ITGBL1: variants seen among roughly 807,000 people sequenced by gnomAD.
The protein encoded by ITGBL1 is integrin beta-like protein 1.
In ITGBL1, 51 loss-of-function variants were observed where a neutral mutation model predicts 68.5. That is an observed-to-expected ratio of 0.74 (90% CI 0.59 to 0.94). ITGBL1 has a LOEUF of 0.94. Ranked by LOEUF, ITGBL1 falls within the 40% of genes least tolerant of loss-of-function variation. The probability of loss-of-function intolerance (pLI) is 0.00; values close to 1 mark genes in which losing one functional copy is unlikely to be tolerated. For synonymous variants in ITGBL1, 209 were observed against 227.3 expected (o/e 0.92, Z 0.72); for missense variants, 649 against 647.4 (o/e 1.00, Z -0.03).
intron 7 of ITGBL1, among the ~76,000 whole-genome samples, chr13:101,684,581 C>A (rs2033713557): frequency 6.6e-6 from 1 of 151,898 alleles, no homozygotes; most frequent in South Asian, 2.1e-4. Flanking sequence ...AACTAATATA[C>A]TCTCTTAATA....
At chr13:101,544,362 A>G (rs1318633417) in intron 2 of ITGBL1, among the ~76,000 whole-genome samples, 1 of 151,694 alleles carries the variant, frequency 6.6e-6, no homozygotes, top group African/African-American at 2.4e-5. Flanking sequence ...CAGCTGCAGA[A>G]CCGCGGATAT....
rs554304246 is a variant in ITGBL1, at chr13:101,562,505, G to A, written c.317-5194G>A. 1.1e-4 allele frequency among the ~76,000 whole-genome samples: 17 copies of A among 152,030 alleles called. No homozygotes were observed. The South Asian group carries it at 2.5e-3, about 22-fold the overall frequency. On this transcript the variant is annotated intron_variant, in intron 2 of 10. Transcript: ENST00000376180. Reference sequence around the variant, plus strand: ...GGAAAGGTATTCTATGCAAACACCCGTCAAATGAATACTGGATCAACTATA... The same window carrying A: ...GGAAAGGTATTCTATGCAAACACCCATCAAATGAATACTGGATCAACTATA...
downstream of ITGBL1, chr13:101,720,516 T>TG (rs1425667871): frequency 6.8e-6 from 1 of 146,356 alleles, no homozygotes; most frequent in African/African-American, 2.5e-5. Context: ...AACAAATAGA[T>TG]GGGGGTGTTT....
Position 101,456,380 on chromosome 13 carries a change from C to T in ITGBL1, c.316+2280C>T, listed in dbSNP as rs9557655. Among the ~76,000 whole-genome samples, 168 of 152,264 alleles carry T rather than the reference C, an allele frequency of 1.1e-3. 4 individuals carry two copies. The East Asian group carries it at 0.028, about 25-fold the overall frequency. On this transcript the variant is annotated intron_variant, in intron 2 of 10. Transcript: ENST00000376180. The stretch of plus-strand genomic sequence containing the variant: ...ACCTAGGGCTGCCTTGCGAGCCCGT[C>T]GATGTATTCCATGCTTCAAATTTAG...
intron 7 of ITGBL1, among the ~76,000 whole-genome samples, chr13:101,606,172 T>TATATATATATATATATA (rs1566754927): frequency 1.0e-4 from 6 of 60,138 alleles, no homozygotes; most frequent in African/African-American, 5.2e-4. Flanking sequence ...CTATTAGGAT[T>TATATATATATATATATA]TTTATATATA....
intron 2 of ITGBL1, among the ~76,000 whole-genome samples, chr13:101,482,314 A>T (rs1477108660): frequency 7.1e-6 from 1 of 141,086 alleles, no homozygotes; most frequent in Admixed American, 7.6e-5. Context: ...AAAGAAAAAC[A>T]CTGGTTGTGA....
At chr13:101,481,085 C>CACACACAT (rs71121196) in intron 2 of ITGBL1, among the ~76,000 whole-genome samples, 44 of 149,006 alleles carry the variant, frequency 3.0e-4, no homozygotes, top group Non-Finnish European at 3.9e-4. Context: ...TATATACACA[C>CACACACAT]ATATATATAC....
intron 7 of ITGBL1, among the ~76,000 whole-genome samples, chr13:101,682,693 T>A (rs1369355292): frequency 1.6e-4 from 25 of 152,096 alleles, no homozygotes; most frequent in Admixed American, 1.6e-3. Flanking sequence ...TTTTAACTTA[T>A]ACACATAGTA....
intron 7 of ITGBL1, among the ~76,000 whole-genome samples, chr13:101,654,314 T>G (rs2032852628): frequency 6.6e-6 from 1 of 152,154 alleles, no homozygotes; most frequent in African/African-American, 2.4e-5. Context: ...GACATACTTT[T>G]CTTTCCTTTG....
chr13:101,486,840 T>A (rs956373855), intron 2 of ITGBL1, among the ~76,000 whole-genome samples: 2 of 152,188 alleles, frequency 1.3e-5, no homozygotes, highest in African/African-American at 4.8e-5. Flanking sequence ...TAAGCACACA[T>A]CCAGTAGTCT....
chr13:101,658,211 GA>G (rs1251351422), intron 7 of ITGBL1, among the ~76,000 whole-genome samples: 1 of 152,126 alleles, frequency 6.6e-6, no homozygotes, highest in Non-Finnish European at 1.5e-5. Context: ...TTTAAGTCAT[GA>G]AAAAGGCTAC....
intron 6 of ITGBL1, among the ~76,000 whole-genome samples, chr13:101,594,510 C>T (rs2050710200): frequency 6.6e-6 from 1 of 150,804 alleles, no homozygotes; most frequent in Non-Finnish European, 1.5e-5. Flanking sequence ...AGCTCCATGC[C>T]ATTGGTCTTA....
chr13:101,608,146 C>T (rs1331239143), intron 7 of ITGBL1, among the ~76,000 whole-genome samples: 2 of 151,944 alleles, frequency 1.3e-5, no homozygotes, highest in African/African-American at 4.8e-5. Flanking sequence ...AAATAGAAAC[C>T]ATGTCCTCAT....
intron 7 of ITGBL1, among the ~76,000 whole-genome samples, chr13:101,671,431 T>TTTTTG (rs1405721261): frequency 4.3e-5 from 3 of 69,738 alleles, no homozygotes; most frequent in South Asian, 6.6e-4. Context: ...CCTTTGTTTT[T>TTTTTG]TTTTTGTTTT....
intron 2 of ITGBL1, among the ~76,000 whole-genome samples, chr13:101,457,889 T>C (rs574463224): frequency 2.5e-4 from 38 of 152,342 alleles, no homozygotes; most frequent in African/African-American, 9.1e-4. Context: ...TTGATATTTC[T>C]AAAGCATTCC....
Position 101,598,151 on chromosome 13 carries a change from A to G in ITGBL1, c.869-2A>G. On this transcript the variant is annotated splice_acceptor_variant, in intron 6 of 10. Coordinates refer to ENST00000376180, the MANE Select transcript of ITGBL1 (RefSeq NM_004791.3). LOFTEE classifies it high-confidence loss of function. ...TTATTTTTTGCCACTCTCACTGTGAAGGTCATGGACAGTGTAATTGCGGAA... is the reference window on the plus strand; with the variant it reads ...TTATTTTTTGCCACTCTCACTGTGAGGGTCATGGACAGTGTAATTGCGGAA... 6.3e-7 allele frequency: 1 copy of G among 1,591,780 alleles called. No individual in the cohort carries two copies. The highest frequency in any genetic ancestry group is 8.5e-7 in the Non-Finnish European group (1 of 1,173,258).
At chr13:101,700,970 C>T (rs1262537880) in intron 8 of ITGBL1, among the ~76,000 whole-genome samples, 1 of 152,164 alleles carries the variant, frequency 6.6e-6, no homozygotes, top group African/African-American at 2.4e-5. Flanking sequence ...CCCTAGAAGA[C>T]CGTAATTACC....
At chr13:101,614,151 C>G (rs2031254483) in intron 7 of ITGBL1, among the ~76,000 whole-genome samples, 1 of 151,984 alleles carries the variant, frequency 6.6e-6, no homozygotes, top group Admixed American at 6.6e-5. Context: ...CGGCAGCATA[C>G]AGGACAATGA....
chr13:101,535,791 T>A (rs529227778), intron 2 of ITGBL1, among the ~76,000 whole-genome samples: 2 of 152,248 alleles, frequency 1.3e-5, no homozygotes, highest in East Asian at 3.9e-4. Flanking sequence ...AAAAAATTTT[T>A]CCTTGCAAAA....
Sources: gnomAD v4.1 joint callset for allele counts (sites outside exome capture counted in the v4.1 genomes callset) on GRCh38, gnomAD v4.1.1 for gene constraint, MANE v1.5 for transcripts, NCBI Gene and HGNC (gene_info 2026-07-23, HGNC 2026-07-21) for gene names.